The following GLB1L3 variants were observed in gnomAD, a reference collection of about 807,000 sequenced individuals.
The protein encoded by GLB1L3 is galactosidase beta 1 like 3, also known as beta-galactosidase-1-like protein 3.
A neutral mutation model predicts 89.5 loss-of-function variants in GLB1L3; 89 were observed. The observed-to-expected ratio is 0.99, with a 90% CI of 0.84 to 1.19. The LOEUF (loss-of-function observed/expected upper bound fraction) is 1.19. GLB1L3 is among the 50% of genes most tolerant of loss of function. GLB1L3 has a pLI of 0.00. For synonymous variants in GLB1L3, 314 were observed against 312.3 expected (o/e 1.01, Z -0.06); for missense variants, 812 against 813.3 (o/e 1.00, Z 0.02).
chr11:134,318,048 A>G (rs890253946), intron 18 of GLB1L3, among the ~76,000 whole-genome samples: 3 of 152,006 alleles, frequency 2.0e-5, no homozygotes, highest in African/African-American at 7.2e-5. Flanking sequence ...TATGTTTTTG[A>G]TGCTTCTCTT....
chr11:134,290,594 GAAAAA>G (rs928517505), intron 7 of GLB1L3, among the ~76,000 whole-genome samples: 3 of 111,764 alleles, frequency 2.7e-5, no homozygotes, highest in African/African-American at 6.5e-5. Context: ...AAAAAGAAAA[GAAAAA>G]AAAAGAAAAA....
chr11:134,275,997 T>C (rs1043636029), upstream of GLB1L3: 2 of 152,620 alleles, frequency 1.3e-5, no homozygotes, highest in African/African-American at 2.4e-5. Context: ...CTGGAAACCG[T>C]TGAATAGTCC....
rs541873162 is a variant in GLB1L3 at position 134,319,501 on chromosome 11, A to T, written c.*559A>T. The T allele has an allele frequency of 2.6e-5, 4 of 152,394 alleles. No homozygotes were observed. Among genetic ancestry groups the T allele is most frequent in the Non-Finnish European group, 4.4e-5 (3 of 68,090 alleles). The allele number at this position is 152,394 out of a possible 1,614,324, so 9.4% of individuals were successfully genotyped here. A position where few individuals can be genotyped will look rare whatever the true frequency, so the allele number is the denominator to read the frequency against. ...TCTAGTTAAATGCTTAATCCTTAGC[A>T]GGCTCTTATTCTTTAATTAAACGTG... On this transcript the variant is annotated 3_prime_UTR_variant, in exon 20 of 20. Transcript: ENST00000431683.
intron 7 of GLB1L3, among the ~76,000 whole-genome samples, 161 bp from the exon 8 acceptor site, chr11:134,291,971 G>T (rs1941386085): frequency 6.6e-6 from 1 of 152,176 alleles, no homozygotes; most frequent in African/African-American, 2.4e-5. Context: ...GCAAGACCCT[G>T]TCTCTAAAAA....
chr11:134,318,654 C>T lies in GLB1L3; in HGVS notation c.1803C>T (p.Phe601=), dbSNP rs1397069898. ...SLLNWNYGFV[F]INGRNLGRYW... ...AGAACTGGAATTATGGATTTGTGTT[C>T]ATCAATGGACGTAACCTTGGGCGAT... The change falls in exon 19 of 20, where the codon TTC becomes TTT. Residue 601 remains phenylalanine, a synonymous_variant. Coordinates refer to ENST00000431683, the MANE Select transcript of GLB1L3 (RefSeq NM_001080407.3). 1.2e-6 allele frequency: 2 copies of T among 1,609,440 alleles called. No individual in the cohort carries two copies. Among genetic ancestry groups the T allele is most frequent in the Non-Finnish European group, 1.7e-6 (2 of 1,176,294 alleles).
chr11:134,313,049 C>T (rs972278221), intron 15 of GLB1L3, among the ~76,000 whole-genome samples, 162 bp downstream of exon 15: 1 of 152,180 alleles, frequency 6.6e-6, no homozygotes, highest in African/African-American at 2.4e-5. Context: ...CAAAGTGCCT[C>T]CCAGGCCCTG....
At chr11:134,278,601 A>C (rs1242069869) in intron 3 of GLB1L3, among the ~76,000 whole-genome samples, 4 of 152,140 alleles carry the variant, frequency 2.6e-5, no homozygotes, top group African/African-American at 9.7e-5. Context: ...TATGACCACA[A>C]AAAAGCAAAA....
intron 7 of GLB1L3, among the ~76,000 whole-genome samples, chr11:134,289,406 G>A (rs562726113): frequency 6.6e-6 from 1 of 152,140 alleles, no homozygotes; most frequent in African/African-American, 2.4e-5. Context: ...GGAGAGGCAG[G>A]GGATTGTAAC....
In GLB1L3 at chr11:134,313,471, AAAGGTGG is replaced by A; in HGVS notation, c.1577_1579+4del. ...TTCATGGCAAATACAGAATGAGCAG[AAAGGTGG>A]GCTCTGGCTGTGGCTTCTCCTCAGT... On this transcript the variant is annotated splice_donor_variant and splice_donor_region_variant and coding_sequence_variant and intron_variant, in exon 16 of 20. Transcript: ENST00000431683. LOFTEE classifies it high-confidence loss of function. 1 of 1,575,108 alleles carries A rather than the reference AAAGGTGG, an allele frequency of 6.3e-7. No homozygotes were observed. The highest frequency in any genetic ancestry group is 1.2e-5 in the South Asian group (1 of 85,552).
chr11:134,297,736 T>C (rs1335256822), intron 9 of GLB1L3, among the ~76,000 whole-genome samples: 5 of 151,580 alleles, frequency 3.3e-5, no homozygotes, highest in African/African-American at 1.2e-4. Flanking sequence ...GGTGGGTGCC[T>C]GTAATCCCAG....
intron 6 of GLB1L3, among the ~76,000 whole-genome samples, chr11:134,288,469 A>G (rs1941141201): frequency 1.3e-5 from 2 of 152,208 alleles, no homozygotes; most frequent in Admixed American, 1.3e-4. Context: ...GCATAAGCCT[A>G]AGGCAGGAGG....
intron 14 of GLB1L3, 29 bp downstream of exon 14, chr11:134,312,518 A>C (rs774352623): frequency 6.2e-7 from 1 of 1,605,942 alleles, no homozygotes; most frequent in African/African-American, 1.3e-5. Context: ...CTGTGTGGGA[A>C]GCAAAGTGCA....
At chr11:134,320,217 T>C (rs1171017244), downstream of GLB1L3, among the ~76,000 whole-genome samples, 2 of 152,150 alleles carry the variant, frequency 1.3e-5, no homozygotes, top group African/African-American at 4.8e-5. Flanking sequence ...AGTAATCTTG[T>C]GTCCAGAGGG....
chr11:134,290,090 G>C (rs1260522615), intron 7 of GLB1L3, among the ~76,000 whole-genome samples: 2 of 152,246 alleles, frequency 1.3e-5, no homozygotes, highest in African/African-American at 2.4e-5. Flanking sequence ...TGTGGCTTCT[G>C]GAGGTGGACA....
intron 9 of GLB1L3, among the ~76,000 whole-genome samples, chr11:134,304,788 G>A (rs1475259284): frequency 6.6e-6 from 1 of 151,916 alleles, no homozygotes; most frequent in Non-Finnish European, 1.5e-5. Context: ...CAATATTTTT[G>A]GGTCACAATT....
In GLB1L3 at chr11:134,318,706, CTG is replaced by C. The variant is rs1044955862; in HGVS notation, c.1857_1858del (p.Tyr620ProfsTer12). On this transcript the variant is annotated frameshift_variant, in exon 19 of 20. Coordinates refer to ENST00000431683, the MANE Select transcript of GLB1L3 (RefSeq NM_001080407.3). LOFTEE classifies it low-confidence loss of function (END_TRUNC). ...TTGGAATATTGGGCCTCAGAAAACA[CTG>C]TACCTTCCTGGAGTTTGGCTTCATC... ...RYWNIGPQKTLYLPGVWLHPE... is the reference protein window; with the variant it reads ...RYWNIGPQKTXYLPGVWLHPE... The C allele has an allele frequency of 5.6e-6, 9 of 1,612,666 alleles. No homozygotes were observed. Among genetic ancestry groups the C allele is most frequent in the African/African-American group, 1.3e-5 (1 of 74,920 alleles).
chr11:134,318,392 A>G (rs1385602775), intron 18 of GLB1L3, among the ~76,000 whole-genome samples: 8 of 152,226 alleles, frequency 5.3e-5, no homozygotes, highest in African/African-American at 1.9e-4. Context: ...AATATATAAC[A>G]TTATATATCA....
At chr11:134,309,866 T>G in intron 11 of GLB1L3, 103 bp downstream of exon 11, 1 of 1,283,088 alleles carries the variant, frequency 7.8e-7, no homozygotes, top group African/African-American at 1.5e-5. Flanking sequence ...TCTTGACCTA[T>G]AATCTATGCT....
intron 9 of GLB1L3, chr11:134,305,157 G>C (rs1233729784): frequency 7.0e-7 from 1 of 1,431,330 alleles, no homozygotes; most frequent in African/African-American, 1.4e-5. Context: ...TGCCTCACAA[G>C]CAGCAACTTC....
Sources: gnomAD v4.1 joint callset for allele counts (sites outside exome capture counted in the v4.1 genomes callset) on GRCh38, gnomAD v4.1.1 for gene constraint, MANE v1.5 for transcripts, NCBI Gene and HGNC (gene_info 2026-07-23, HGNC 2026-07-21) for gene names.